Variants in KLHL42 observed in about 807,000 individuals in gnomAD.
KLHL42 encodes kelch-like protein 42.
A neutral mutation model predicts 32.7 loss-of-function variants in KLHL42; 27 were observed. The ratio of observed to expected loss-of-function variants is 0.83; its 90% CI spans 0.61 to 1.14. The LOEUF (loss-of-function observed/expected upper bound fraction) is 1.14, where lower values mean the gene tolerates loss of function less well. Ranked by LOEUF, KLHL42 falls within the 50% of genes most tolerant of loss-of-function variation. KLHL42 has a pLI of 0.00. For synonymous variants in KLHL42, 267 were observed against 248.2 expected (o/e 1.08, Z -0.71); for missense variants, 491 against 560.8 (o/e 0.88, Z 1.26).
In KLHL42 at chr12:27,797,985, T is replaced by G. The variant is rs1439986300; in HGVS notation, c.1337T>G (p.Leu446Arg). The change falls in exon 3 of 3, where the codon CTC becomes CGC. Residue 446 changes from leucine to arginine, a missense_variant. This residue lies in a region of KLHL42 where 152 missense variants were observed against 125.9 expected (regional missense o/e 1.21). Transcript: ENST00000381271. The part of the protein sequence containing the change: ...SKSGLNLTCA[L>R]HNDGIYIMSR... Reference sequence around the variant, plus strand: ...TCGGGTCTTAACTTGACTTGTGCGCTCCATAACGACGGCATCTACATCATG... The same window carrying G: ...TCGGGTCTTAACTTGACTTGTGCGCGCCATAACGACGGCATCTACATCATG... The G allele has an allele frequency of 1.3e-6, 1 of 781,010 alleles. No individual in the cohort carries two copies. Among genetic ancestry groups the G allele is most frequent in the Admixed American group, 1.7e-5 (1 of 59,032 alleles). 48.4% of individuals were successfully genotyped at this position (781,010 alleles called of 1,614,324 possible).
intron 1 of KLHL42, among the ~76,000 whole-genome samples, chr12:27,786,155 A>T (rs2062170912): frequency 6.6e-6 from 1 of 152,236 alleles, no homozygotes; most frequent in East Asian, 1.9e-4. Context: ...TTGAGTAGTT[A>T]TAACCACTTA....
chr12:27,787,033 G>A (rs2062175401), intron 1 of KLHL42, among the ~76,000 whole-genome samples: 1 of 151,934 alleles, frequency 6.6e-6, no homozygotes, highest in African/African-American at 2.4e-5. Flanking sequence ...CCAATTGAGA[G>A]ATTTTATAAA....
intron 1 of KLHL42, chr12:27,787,625 T>G (rs2062178601): frequency 6.6e-6 from 1 of 152,272 alleles, no homozygotes. Flanking sequence ...GAGCTTTCTC[T>G]AGTCTTTTCC....
In KLHL42 at chr12:27,800,387, A is replaced by T. The variant is rs1270273555; in HGVS notation, c.*2221A>T. 1 of 951,734 alleles carries T rather than the reference A, an allele frequency of 1.1e-6. No homozygotes were observed. The highest frequency in any genetic ancestry group is 1.8e-5 in the African/African-American group (1 of 55,722). The allele number at this position is 951,734 out of a possible 1,614,324, so 59.0% of individuals were successfully genotyped here. On this transcript the variant is annotated 3_prime_UTR_variant, in exon 3 of 3. Transcript: ENST00000381271. ...GTGTGTGTGTGTATGTTTGCATATT[A>T]TAGCTCTCTTTAAGACAGACATCTA...
At chr12:27,785,223 G>A (rs2062166941) in intron 1 of KLHL42, among the ~76,000 whole-genome samples, 1 of 152,006 alleles carries the variant, frequency 6.6e-6, no homozygotes, top group Admixed American at 6.6e-5. Context: ...TTAAAGAAAT[G>A]GGGTCTTGCT....
intron 2 of KLHL42, among the ~76,000 whole-genome samples, chr12:27,795,235 A>G (rs2062213611): frequency 6.6e-6 from 1 of 152,242 alleles, no homozygotes; most frequent in Non-Finnish European, 1.5e-5. Flanking sequence ...GAGCTGTTCA[A>G]CACTGACAGG....
In KLHL42 at chr12:27,780,281, G is replaced by T. The variant is rs1296174399; in HGVS notation, c.-50G>T. On this transcript the variant is annotated 5_prime_UTR_variant, in exon 1 of 3. Transcript: ENST00000381271. This position sits in a 1 kb window ranked among gnomAD's most constrained non-coding sequence, Gnocchi z 8.8. Reference sequence around the variant, plus strand: ...CCGGCGCGCGCGTAGGGGCTGGGAGGCCGGCGCGCAGATCTGGCGGTGAGC... The same window carrying T: ...CCGGCGCGCGCGTAGGGGCTGGGAGTCCGGCGCGCAGATCTGGCGGTGAGC... The T allele has an allele frequency of 2.0e-6, 3 of 1,488,186 alleles. No homozygotes were observed. Among genetic ancestry groups the T allele is most frequent in the Admixed American group, 2.4e-5 (1 of 42,344 alleles). The allele number at this position is 1,488,186 out of a possible 1,614,324, so 92.2% of individuals were successfully genotyped here.
chr12:27,796,401 T>C (rs1341356772), intron 2 of KLHL42, among the ~76,000 whole-genome samples: 2 of 152,242 alleles, frequency 1.3e-5, no homozygotes, highest in African/African-American at 4.8e-5. Flanking sequence ...GTTCCCAAGC[T>C]GAGCTGTCTC....
chr12:27,797,257 G>C (rs1455313359), intron 2 of KLHL42: 2 of 456,678 alleles, frequency 4.4e-6, no homozygotes, highest in Non-Finnish European at 8.8e-6. Flanking sequence ...ACAGCCTCTG[G>C]AGATCCTGTG....
At chr12:27,794,052 A>G (rs2062208910) in intron 2 of KLHL42, among the ~76,000 whole-genome samples, 1 of 152,250 alleles carries the variant, frequency 6.6e-6, no homozygotes, top group South Asian at 2.1e-4. Flanking sequence ...TATTTGATGA[A>G]CATCTGATTT....
intron 1 of KLHL42, among the ~76,000 whole-genome samples, chr12:27,789,250 A>T (rs970235559): frequency 6.6e-6 from 1 of 152,244 alleles, no homozygotes; most frequent in African/African-American, 2.4e-5. Flanking sequence ...TACTTAACAG[A>T]TGAGAAAACT....
chr12:27,780,366 G>A lies in KLHL42; in HGVS notation c.36G>A (p.Glu12=), dbSNP rs773446764. Reference sequence around the variant, plus strand: ...AGGAGATGGTGCAGATCCGCCTGGAGGACCGCTGCTACCCGGTGAGCAAGA... The same window carrying A: ...AGGAGATGGTGCAGATCCGCCTGGAAGACCGCTGCTACCCGGTGAGCAAGA... The part of the protein sequence containing the change: ...SAEEMVQIRL[E]DRCYPVSKRK... Residue 12 remains glutamate (E), a synonymous_variant, in exon 1 of 3, where the codon GAG becomes GAA. Transcript: ENST00000381271. The surrounding 1 kb of genome is among the most constrained non-coding windows in gnomAD (Gnocchi z 8.8). 15 of 1,582,884 alleles carry A rather than the reference G, an allele frequency of 9.5e-6. No homozygotes were observed. The South Asian group carries it at 1.0e-4, about 11-fold the overall frequency.
intron 2 of KLHL42, chr12:27,797,217 T>C (rs1287035329): frequency 4.4e-6 from 2 of 456,104 alleles, no homozygotes; most frequent in Non-Finnish European, 8.8e-6. Context: ...GCCTTTCTCC[T>C]GACTTGTAAC....
Position 27,781,001 on chromosome 12 carries a change from A to AAC in KLHL42, c.671_672insAC (p.Met225ArgfsTer2). On this transcript the variant is annotated frameshift_variant, in exon 1 of 3. Transcript: ENST00000381271. LOFTEE classifies it high-confidence loss of function. ...CCCCCGTCCATGCTCAGGTACGAGG[A>AAC]GATGACTGAGCGTTGGTTCCCGCTG... 6.2e-7 allele frequency: 1 copy of AAC among 1,609,286 alleles called. No homozygotes were observed. The highest frequency in any genetic ancestry group is 8.5e-7 in the Non-Finnish European group (1 of 1,177,034).
chr12:27,791,848 C>T lies in KLHL42; in HGVS notation c.1013C>T (p.Ser338Phe). 2 of 1,614,158 alleles carry T rather than the reference C, an allele frequency of 1.2e-6. No homozygotes were observed. The highest frequency in any genetic ancestry group is 1.7e-6 in the Non-Finnish European group (2 of 1,180,028). ...TTACCCAATCCTCTGGCTGAGTTCT[C>T]TGCCTGTGAGTGTAAGGGAAAAATT... The part of the protein sequence containing the change: ...APLPNPLAEF[S>F]ACECKGKIYV... Residue 338 changes from serine (S) to phenylalanine (F), a missense_variant, in exon 2 of 3, where the codon TCT becomes TTT. Physicochemically the swap from Ser to Phe is radical, Grantham distance 155 (BLOSUM62 -2). Transcript: ENST00000381271.
chr12:27,782,167 T>TG (rs1180803500), intron 1 of KLHL42, among the ~76,000 whole-genome samples: 2 of 152,148 alleles, frequency 1.3e-5, no homozygotes, highest in Non-Finnish European at 2.9e-5. Flanking sequence ...AGCAAGGAGT[T>TG]GGGGAGCTCA....
rs2062229697 is a variant in KLHL42 at position 27,798,435 on chromosome 12, A to T, written c.*269A>T. 1.0e-5 allele frequency: 4 copies of T among 389,876 alleles called. No homozygotes were observed. 24.2% of individuals were successfully genotyped at this position (389,876 alleles called of 1,614,324 possible). A position where few individuals can be genotyped will look rare whatever the true frequency, so the allele number is the denominator to read the frequency against. On this transcript the variant is annotated 3_prime_UTR_variant, in exon 3 of 3. Transcript: ENST00000381271. ...CATGATACTCTTGGGCCAATGACGGATCATCAAAATGTAGATTCATTGTGT... is the reference window on the plus strand; with the variant it reads ...CATGATACTCTTGGGCCAATGACGGTTCATCAAAATGTAGATTCATTGTGT...
intron 1 of KLHL42, among the ~76,000 whole-genome samples, chr12:27,782,885 G>C (rs1477111288): frequency 6.6e-6 from 1 of 152,056 alleles, no homozygotes. Context: ...CAGAAAAAAA[G>C]TGTCAGTGTA....
At chr12:27,789,189 C>T (rs2062185900) in intron 1 of KLHL42, among the ~76,000 whole-genome samples, 1 of 152,214 alleles carries the variant, frequency 6.6e-6, no homozygotes, top group Admixed American at 6.5e-5. Flanking sequence ...TCTGCAAGTG[C>T]TGTCCTTTTC....
Sources: gnomAD v4.1 joint callset for allele counts (sites outside exome capture counted in the v4.1 genomes callset) on GRCh38, gnomAD v4.1.1 for gene constraint, gnomAD v4.1.1 regional missense constraint, Gnocchi (gnomAD v3.1) non-coding constraint, MANE v1.5 for transcripts, NCBI Gene and HGNC (gene_info 2026-07-23, HGNC 2026-07-21) for gene names.